Variants in MRPL10 observed in about 807,000 individuals in gnomAD.
MRPL10 encodes mitochondrial ribosomal protein L10.
A neutral mutation model predicts 19.8 loss-of-function variants in MRPL10; 14 were observed. That is an observed-to-expected ratio of 0.71 (90% CI 0.47 to 1.11). The LOEUF is 1.11. MRPL10 is among the 50% of genes least tolerant of loss of function. The probability of loss-of-function intolerance (pLI) is 0.00; values close to 1 mark genes in which losing one functional copy is unlikely to be tolerated. For missense variants in MRPL10, 318 were observed against 339.6 expected (o/e 0.94, Z 0.50); for synonymous variants, 129 against 139.2 (o/e 0.93, Z 0.52).
intron 1 of MRPL10, 192 bp downstream of exon 1, chr17:47,831,268 A>C: frequency 6.8e-7 from 1 of 1,468,816 alleles, no homozygotes; most frequent in Non-Finnish European, 9.1e-7. Flanking sequence ...GGCAAAAGAA[A>C]CGCTGGAGAC....
At chr17:47,826,571 C>G in intron 4 of MRPL10, 66 bp downstream of exon 4, 1 of 1,589,376 alleles carries the variant, frequency 6.3e-7, no homozygotes, top group Non-Finnish European at 8.6e-7. Context: ...TTTACCAAGA[C>G]AAGCCTAGCA....
rs956516776 is a variant in MRPL10 at position 47,826,749 on chromosome 17, G to A, written c.420C>T (p.Tyr140=). The A allele has an allele frequency of 6.2e-7, 1 of 1,614,200 alleles. No individual in the cohort carries two copies. Among genetic ancestry groups the A allele is most frequent in the Non-Finnish European group, 8.5e-7 (1 of 1,180,038 alleles). Residue 140 remains tyrosine, a synonymous_variant, in exon 4 of 5, where the codon TAC becomes TAT. Transcript: ENST00000351111. The part of the protein sequence containing the change: ...VLKPFLEDSK[Y]QNLLPLFVGH... ...CCACAAAAAGGGGCAGCAGATTTTG[G>A]TACTTGGAATCCTCCAGGAAGGGCT...
At chr17:47,830,509 A>ATT (rs112972415) in intron 1 of MRPL10, among the ~76,000 whole-genome samples, 123 of 146,794 alleles carry the variant, frequency 8.4e-4, no homozygotes, top group African/African-American at 2.7e-3. Flanking sequence ...ATTAAACTGG[A>ATT]TTTTTTTTTT....
At chr17:47,828,423 C>T in intron 2 of MRPL10, 78 bp downstream of exon 2, 1 of 1,087,346 alleles carries the variant, frequency 9.2e-7, no homozygotes, top group Non-Finnish European at 1.3e-6. Context: ...GAGTGTCCTA[C>T]TTCACTATGG....
At position 47,824,450 on chromosome 17, in the gene MRPL10, T is replaced by C; in HGVS notation, c.541A>G (p.Ile181Val). The C allele has an allele frequency of 2.0e-6, 3 of 1,532,560 alleles. No individual in the cohort carries two copies. Among genetic ancestry groups the C allele is most frequent in the East Asian group, 2.3e-5 (1 of 44,074 alleles). 94.9% of individuals were successfully genotyped at this position (1,532,560 alleles called of 1,614,324 possible). Residue 181 changes from isoleucine (I) to valine (V), a missense_variant, in exon 5 of 5, where the codon ATT becomes GTT. Physicochemically the swap from Ile to Val is conservative, Grantham distance 29 (BLOSUM62 3). Transcript: ENST00000351111. ...TGCCTGCTGAGGATGGTGTCATCAA[T>C]GCAGCCACCTGGAAGAACACAGGGT... ...VPFLPLLGGC[I>V]DDTILSRQGF... is the part of the protein sequence containing the mutation.
chr17:47,823,888 C>A lies in MRPL10; in HGVS notation c.*317G>T, dbSNP rs1736249120. The A allele has an allele frequency of 2.6e-6, 1 of 377,968 alleles. No individual in the cohort carries two copies. Among genetic ancestry groups the A allele is most frequent in the Non-Finnish European group, 4.9e-6 (1 of 202,954 alleles). 23.4% of individuals were successfully genotyped at this position (377,968 alleles called of 1,614,324 possible). On this transcript the variant is annotated 3_prime_UTR_variant, in exon 5 of 5. Coordinates refer to ENST00000351111, the MANE Select transcript of MRPL10 (RefSeq NM_145255.4). ...AAGGGGGTGGGCTCAGGAGCCCGTG[C>A]AGCAAGAGGCAGTGACCAAGGAGGC...
At chr17:47,830,126 C>T (rs953874113) in intron 1 of MRPL10, among the ~76,000 whole-genome samples, 4 of 152,132 alleles carry the variant, frequency 2.6e-5, no homozygotes, top group Admixed American at 2.6e-4. Context: ...CCACTCTAAC[C>T]GCTGCTCTGA....
Position 47,828,539 on chromosome 17 carries a change from G to A in MRPL10, c.184C>T (p.Pro62Ser), listed in dbSNP as rs769879983. Reference sequence around the variant, plus strand: ...CTGGGAGGAGATGGCAGGCATGATGGGTGGATGGCTGGTTTCGGGGGGATA... The same window carrying A: ...CTGGGAGGAGATGGCAGGCATGATGAGTGGATGGCTGGTTTCGGGGGGATA... ...EYIPPKPAIH[P>S]SCLPSPPSPP... is the part of the protein sequence containing the mutation. The change falls in exon 2 of 5, where the codon CCA becomes TCA. Residue 62 changes from proline (P) to serine (S), a missense_variant. Coordinates refer to ENST00000351111, the MANE Select transcript of MRPL10 (RefSeq NM_145255.4). The A allele has an allele frequency of 2.0e-6, 3 of 1,472,278 alleles. No individual in the cohort carries two copies. In the South Asian group the frequency reaches 4.3e-5, roughly 21 times the overall value. The allele number at this position is 1,472,278 out of a possible 1,614,324, so 91.2% of individuals were successfully genotyped here. A position where few individuals can be genotyped will look rare whatever the true frequency, so the allele number is the denominator to read the frequency against.
chr17:47,824,279 T>C lies in MRPL10; in HGVS notation c.712A>G (p.Arg238Gly). The C allele has an allele frequency of 6.2e-7, 1 of 1,614,178 alleles. No homozygotes were observed. The highest frequency in any genetic ancestry group is 8.5e-7 in the Non-Finnish European group (1 of 1,180,042). ...QLTTLLDQYI[R>G]EQREKDSVMS... is the part of the protein sequence containing the mutation. ...ACAGAATCCTTCTCGCGTTGCTCTC[T>C]GATGTACTGGTCCAACAGGGTGGTC... is the stretch of plus-strand genomic sequence containing the variant. Residue 238 changes from arginine (R) to glycine (G), a missense_variant, in exon 5 of 5, where the codon AGA becomes GGA. Physicochemically the swap from Arg to Gly is moderately radical, Grantham distance 125 (BLOSUM62 -2). Coordinates refer to ENST00000351111, the MANE Select transcript of MRPL10 (RefSeq NM_145255.4).
chr17:47,826,943 G>C, intron 3 of MRPL10, 97 bp downstream of exon 3: 1 of 1,458,098 alleles, frequency 6.9e-7, no homozygotes, highest in Non-Finnish European at 9.4e-7. Context: ...GAGAGGAGGA[G>C]TAAGAAGTAT....
Position 47,828,509 on chromosome 17 carries a change from G to C in MRPL10, c.214C>G (p.Pro72Ala). The change falls in exon 2 of 5, where the codon CCA becomes GCA. Residue 72 changes from proline to alanine, a missense_variant. Pro to Ala is a conservative substitution (Grantham distance 27). Transcript: ENST00000351111. The stretch of plus-strand genomic sequence containing the variant: ...CCCAAATTCCTCCTTACCTCCTGTG[G>C]GGGGCTGGGAGGAGATGGCAGGCAT... ...PSCLPSPPSP[P>A]QEEIGLIRLL... The C allele has an allele frequency of 1.0e-5, 15 of 1,434,858 alleles. No homozygotes were observed. The highest frequency in any genetic ancestry group is 1.2e-5 in the Non-Finnish European group (13 of 1,090,640). 88.9% of individuals were successfully genotyped at this position (1,434,858 alleles called of 1,614,324 possible).
At chr17:47,827,894 CA>C (rs60303077) in intron 2 of MRPL10, among the ~76,000 whole-genome samples, 130 of 45,690 alleles carry the variant, frequency 2.8e-3, no homozygotes, top group African/African-American at 0.012. Context: ...CTCTGTCTCA[CA>C]AAAAAAAAAA....
intron 3 of MRPL10, 80 bp from the exon 4 acceptor site, chr17:47,826,861 C>G (rs1473425808): frequency 1.9e-6 from 3 of 1,581,952 alleles, no homozygotes; most frequent in Non-Finnish European, 2.6e-6. Flanking sequence ...CCACATTAGG[C>G]TGAGGGTGCA....
intron 1 of MRPL10, among the ~76,000 whole-genome samples, chr17:47,830,638 G>A (rs2143600043): frequency 6.6e-6 from 1 of 151,990 alleles, no homozygotes; most frequent in South Asian, 2.1e-4. Flanking sequence ...CCTGAGTAGC[G>A]GGGACTACAG....
intron 1 of MRPL10, among the ~76,000 whole-genome samples, chr17:47,830,836 T>C (rs1160137328): frequency 3.3e-5 from 5 of 152,210 alleles, no homozygotes; most frequent in Non-Finnish European, 1.5e-5. Context: ...CTTCCGCCAA[T>C]TACTAGCTGT....
chr17:47,827,170 A>G lies in MRPL10; in HGVS notation c.257T>C (p.Ile86Thr), dbSNP rs780388100. The change falls in exon 3 of 5, where the codon ATA (isoleucine) becomes ACA (threonine). Residue 86 changes from isoleucine to threonine, a missense_variant. Transcript: ENST00000351111. ...TCGGTTGTCCTGGAAAACTGCTGCT[A>G]TCTCCCGGCGGAGAAGCCTGATGAG... is the stretch of plus-strand genomic sequence containing the variant. ...IGLIRLLRRE[I>T]AAVFQDNRMI... 5 of 1,613,732 alleles carry G rather than the reference A, an allele frequency of 3.1e-6. No homozygotes were observed. Among genetic ancestry groups the G allele is most frequent in the East Asian group, 4.5e-5 (2 of 44,888 alleles).
chr17:47,827,769 G>A (rs1305594200), intron 2 of MRPL10, among the ~76,000 whole-genome samples: 3 of 151,760 alleles, frequency 2.0e-5, no homozygotes, highest in African/African-American at 7.3e-5. Flanking sequence ...ATGGTGGCAT[G>A]TGCCTATAAT....
rs768015007 is a variant in MRPL10 at position 47,824,381 on chromosome 17, G to C, written c.610C>G (p.Gln204Glu). The C allele has an allele frequency of 1.2e-6, 2 of 1,608,088 alleles. No individual in the cohort carries two copies. Among genetic ancestry groups the C allele is most frequent in the Admixed American group, 3.4e-5 (2 of 59,644 alleles). Reference protein sequence around the residue: ...YSKLPSLPLVQGELVGGLTCL... With the variant: ...YSKLPSLPLVEGELVGGLTCL... Reference sequence around the variant, plus strand: ...GTGAGGCCTCCTACAAGCTCCCCCTGCACCAGGGGCAGGCTGGGGAGCTTG... The same window carrying C: ...GTGAGGCCTCCTACAAGCTCCCCCTCCACCAGGGGCAGGCTGGGGAGCTTG... Residue 204 changes from glutamine (Q) to glutamate (E), a missense_variant, in exon 5 of 5, where the codon CAG (glutamine) becomes GAG (glutamate). By Grantham distance (29) the Gln-to-Glu change is conservative (BLOSUM62 2). Transcript: ENST00000351111.
In MRPL10 at chr17:47,826,583, A is replaced by G. The variant is rs1181437935; in HGVS notation, c.532+54T>C. The G allele has an allele frequency of 1.4e-5, 22 of 1,602,984 alleles. 1 individual carries two copies. The South Asian group carries it at 1.9e-4, about 14-fold the overall frequency. The stretch of plus-strand genomic sequence containing the variant: ...GGTTTTACCAAGACAAGCCTAGCAG[A>G]TGGCAGCAGGCCCCTCTTCACCCCA... On this transcript the variant is annotated intron_variant, in intron 4 of 4. Transcript: ENST00000351111.
Sources: gnomAD v4.1 joint callset for allele counts (sites outside exome capture counted in the v4.1 genomes callset) on GRCh38, gnomAD v4.1.1 for gene constraint, MANE v1.5 for transcripts, NCBI Gene and HGNC (gene_info 2026-07-23, HGNC 2026-07-21) for gene names.